Variants in RSPH9 observed in about 807,000 individuals in gnomAD.
RSPH9 encodes the protein radial spoke head protein 9 homolog.
Under a neutral mutation model 27.0 loss-of-function variants are expected in RSPH9, and 27 were observed. The ratio of observed to expected loss-of-function variants is 1.00; its 90% CI spans 0.74 to 1.38. The LOEUF (loss-of-function observed/expected upper bound fraction) is 1.38. RSPH9 is among the 40% of genes most tolerant of loss of function. The pLI is 0.00. For synonymous variants in RSPH9, 145 were observed against 147.7 expected, an observed-to-expected ratio of 0.98 and a Z score of 0.13; for missense variants, 347 against 357.4, an observed-to-expected ratio of 0.97 and a Z score of 0.24.
rs1771851691 is a variant in RSPH9, at chr6:43,654,921, G to A, written c.394-641G>A. Among the ~76,000 whole-genome samples, 3 of 152,320 alleles carry A rather than the reference G, an allele frequency of 2.0e-5. No homozygotes were observed. The South Asian group carries it at 6.2e-4, about 32-fold the overall frequency. Reference sequence around the variant, plus strand: ...CCAGCTACTCAGGAGGCTGAGGTGGGAGGATCATCTGAGCCTGGGAAGTTG... The same window carrying A: ...CCAGCTACTCAGGAGGCTGAGGTGGAAGGATCATCTGAGCCTGGGAAGTTG... On this transcript the variant is annotated intron_variant, in intron 2 of 4. Transcript: ENST00000372163.
chr6:43,667,190 A>G (rs912624039), intron 4 of RSPH9, among the ~76,000 whole-genome samples: 1 of 152,200 alleles, frequency 6.6e-6, no homozygotes, highest in African/African-American at 2.4e-5. Flanking sequence ...GAGGTTTGGG[A>G]AGATCAAATG....
In RSPH9 at chr6:43,650,534, AAT is replaced by A; in HGVS notation, c.389_390del (p.Ile130SerfsTer15). ...NEGEKVFEEEIVVQIKEETRL... is the reference protein window; with the variant it reads ...NEGEKVFEEEXVVQIKEETRL... ...AAGGTGAAAAAGTCTTTGAAGAAGA[AAT>A]AGTGGTGAGTGAAGAGGAGAGCAGG... On this transcript the variant is annotated frameshift_variant, in exon 2 of 5. Coordinates refer to ENST00000372163, the MANE Select transcript of RSPH9 (RefSeq NM_152732.5). LOFTEE classifies it high-confidence loss of function. The A allele has an allele frequency of 6.2e-7, 1 of 1,614,066 alleles. No homozygotes were observed. The highest frequency in any genetic ancestry group is 8.5e-7 in the Non-Finnish European group (1 of 1,179,966).
chr6:43,651,311 G>A (rs78147699), intron 2 of RSPH9, among the ~76,000 whole-genome samples: 2,248 of 152,218 alleles, frequency 0.015, 49 homozygotes, highest in African/African-American at 0.049. Context: ...CTGGATAAAG[G>A]CAGTGGGTAG....
At chr6:43,656,749 TG>T in intron 4 of RSPH9, 26 bp downstream of exon 4, 1 of 1,612,610 alleles carries the variant, frequency 6.2e-7, no homozygotes, top group Non-Finnish European at 8.5e-7. Flanking sequence ...CTGGAGGCCA[TG>T]GGATCTGTCC....
At chr6:43,667,354 G>A (rs949866200) in intron 4 of RSPH9, among the ~76,000 whole-genome samples, 5 of 152,252 alleles carry the variant, frequency 3.3e-5, no homozygotes, top group Admixed American at 1.3e-4. Context: ...GGTGCACACA[G>A]GCTGGGGCTC....
rs780329586 is a variant in RSPH9 at position 43,645,174 on chromosome 6, G to C, written c.76G>C (p.Ala26Pro). The change falls in exon 1 of 5, where the codon GCC becomes CCC. Residue 26 changes from alanine to proline, a missense_variant. Ala to Pro is a conservative substitution (Grantham distance 27). Transcript: ENST00000372163. ...SGQGLSPDRR[A>P]SLLTSLMLVK... is the part of the protein sequence containing the mutation. ...GCAGGGCCTCAGCCCGGACCGTCGG[G>C]CCTCGCTGCTCACGTCTCTTATGCT... 8 of 1,613,624 alleles carry C rather than the reference G, an allele frequency of 5.0e-6. No homozygotes were observed. In the East Asian group the frequency reaches 1.8e-4, roughly 36 times the overall value.
chr6:43,663,891 G>A (rs1031646805), intron 4 of RSPH9, among the ~76,000 whole-genome samples: 3 of 151,832 alleles, frequency 2.0e-5, no homozygotes, highest in Non-Finnish European at 2.9e-5. Flanking sequence ...TTAGCCAGGT[G>A]TAGTGTGCAC....
chr6:43,670,760 G>C (rs761650356), intron 4 of RSPH9, 29 bp from the exon 5 acceptor site: 2 of 1,607,490 alleles, frequency 1.2e-6, no homozygotes, highest in Non-Finnish European at 8.5e-7. Flanking sequence ...AGCAGCACCA[G>C]GCCTCACCTC....
At chr6:43,669,394 C>T (rs1773483534) in intron 4 of RSPH9, among the ~76,000 whole-genome samples, 1 of 152,218 alleles carries the variant, frequency 6.6e-6, no homozygotes, top group Non-Finnish European at 1.5e-5. Flanking sequence ...CATGAGCTGC[C>T]ATGAGGGTCA....
intron 4 of RSPH9, among the ~76,000 whole-genome samples, chr6:43,659,225 CT>C (rs56790116): frequency 2.7e-3 from 394 of 144,172 alleles, no homozygotes; most frequent in Admixed American, 4.0e-3. Flanking sequence ...CCACTGAAGT[CT>C]TTTTTTTTTT....
chr6:43,646,125 TTTATTA>T (rs375295386), intron 1 of RSPH9, among the ~76,000 whole-genome samples: 2,789 of 149,940 alleles, frequency 0.019, 36 homozygotes, highest in South Asian at 0.042. Context: ...TGGCTATTTA[TTTATTA>T]TTATTATTAT....
At chr6:43,657,947 C>T (rs1772193880) in intron 4 of RSPH9, among the ~76,000 whole-genome samples, 1 of 152,148 alleles carries the variant, frequency 6.6e-6, no homozygotes, top group South Asian at 2.1e-4. Context: ...TTAACTCATG[C>T]ACAAAATGCT....
chr6:43,666,669 TG>T (rs959073040), intron 4 of RSPH9: 71 of 579,390 alleles, frequency 1.2e-4, no homozygotes, highest in African/African-American at 1.2e-3. Context: ...TAGCTGGTTC[TG>T]GGGTGGCAGG....
At chr6:43,656,108 G>C (rs115335737) in intron 3 of RSPH9, among the ~76,000 whole-genome samples, 1 of 122,256 alleles carries the variant, frequency 8.2e-6, no homozygotes, top group African/African-American at 3.1e-5. Flanking sequence ...CTTTCTTGAT[G>C]GTGTTTTGCT....
chr6:43,645,391 G>GGCC, intron 1 of RSPH9, 66 bp downstream of exon 1: 1 of 400,202 alleles, frequency 2.5e-6, no homozygotes, highest in Non-Finnish European at 5.0e-6. Context: ...GGGTGGGCGG[G>GGCC]TCGCAGCAAT....
chr6:43,652,966 A>G (rs937904550), intron 2 of RSPH9, among the ~76,000 whole-genome samples: 1 of 151,822 alleles, frequency 6.6e-6, no homozygotes, highest in African/African-American at 2.4e-5. Context: ...CTACAGGTGC[A>G]TACCACCATA....
At chr6:43,668,165 T>C (rs567873143) in intron 4 of RSPH9, among the ~76,000 whole-genome samples, 2 of 152,290 alleles carry the variant, frequency 1.3e-5, no homozygotes, top group East Asian at 3.9e-4. Context: ...CAGGGGGCTT[T>C]TCCCCGAGTC....
intron 2 of RSPH9, among the ~76,000 whole-genome samples, chr6:43,652,458 C>A (rs1182061589): frequency 6.7e-6 from 1 of 148,484 alleles, no homozygotes; most frequent in Admixed American, 6.7e-5. Context: ...TGGAGTCTCG[C>A]TGTCACACCC....
intron 4 of RSPH9, among the ~76,000 whole-genome samples, chr6:43,667,422 C>CGCCTGCCT (rs762838521): frequency 8.0e-6 from 1 of 125,292 alleles, no homozygotes; most frequent in Non-Finnish European, 1.5e-5. Flanking sequence ...GGCAGCAACG[C>CGCCTGCCT]GCCTGCCTGC....
Sources: allele counts gnomAD v4.1 joint callset (sites outside exome capture counted in the v4.1 genomes callset), GRCh38; gene constraint gnomAD v4.1.1; transcripts MANE v1.5; gene names NCBI Gene and HGNC (gene_info 2026-07-23, HGNC 2026-07-21).